Variants in TMEM176A observed in about 807,000 individuals in gnomAD.
TMEM176A encodes the protein transmembrane protein 176A, also known as hepatocellular carcinoma-associated antigen 112.
A neutral mutation model predicts 27.9 loss-of-function variants in TMEM176A; 20 were observed. That is an observed-to-expected ratio of 0.72 (90% CI 0.50 to 1.04). TMEM176A has a LOEUF of 1.04. Ranked by LOEUF, TMEM176A falls within the 50% of genes least tolerant of loss-of-function variation. The pLI is 0.00. For missense variants in TMEM176A, 252 were observed against 289.1 expected (o/e 0.87, Z 0.93); for synonymous variants, 125 against 118.0 (o/e 1.06, Z -0.38).
Position 150,802,196 on chromosome 7 carries a change from T to C in TMEM176A, c.175-19T>C, listed in dbSNP as rs758604703. 4 of 1,611,698 alleles carry C rather than the reference T, an allele frequency of 2.5e-6. No individual in the cohort carries two copies. The highest frequency in any genetic ancestry group is 8.5e-7 in the Non-Finnish European group (1 of 1,178,068). ...CAGGTCCACCTAGGAGCCGGGATCTTGGGTCCTTTGTCTTTCAGGTGATGC... is the reference window on the plus strand; with the variant it reads ...CAGGTCCACCTAGGAGCCGGGATCTCGGGTCCTTTGTCTTTCAGGTGATGC... On this transcript the variant is annotated intron_variant, in intron 2 of 6. Transcript: ENST00000004103.
In TMEM176A at chr7:150,801,667, G is replaced by T. The variant is rs749503130; in HGVS notation, c.117G>T (p.Ala39=). Reference sequence around the variant, plus strand: ...AGCTCCTGCTCACCTGCTGCTCTGCGCTGCGGCCCCGGGCCACCCAGGCCA... The same window carrying T: ...AGCTCCTGCTCACCTGCTGCTCTGCTCTGCGGCCCCGGGCCACCCAGGCCA... ...LAKLLLTCCS[A]LRPRATQARG... is the part of the protein sequence containing the mutation. The change falls in exon 2 of 7, where the codon GCG becomes GCT. Residue 39 remains alanine, a synonymous_variant. Coordinates refer to ENST00000004103, the MANE Select transcript of TMEM176A (RefSeq NM_018487.3). 7 of 1,610,628 alleles carry T rather than the reference G, an allele frequency of 4.3e-6. No homozygotes were observed. The highest frequency in any genetic ancestry group is 1.1e-5 in the South Asian group (1 of 90,814).
At position 150,802,284 on chromosome 7, in the gene TMEM176A, C is replaced by T. The variant is rs1798825682; in HGVS notation, c.244C>T (p.Leu82Phe). ...ATTTTTCTACATCCGCGACTACACC[C>T]TCCTCGTCACCTCGGGAGCTGCCAT... ...GGFFYIRDYT[L>F]LVTSGAAIWT... The change falls in exon 3 of 7, where the codon CTC (leucine) becomes TTC (phenylalanine). Residue 82 changes from leucine (L) to phenylalanine (F), a missense_variant. Coordinates refer to ENST00000004103, the MANE Select transcript of TMEM176A (RefSeq NM_018487.3). The T allele has an allele frequency of 1.9e-6, 3 of 1,614,114 alleles. No homozygotes were observed. The highest frequency in any genetic ancestry group is 2.5e-6 in the Non-Finnish European group (3 of 1,180,016).
intron 3 of TMEM176A, chr7:150,802,755 A>G: frequency 9.9e-7 from 1 of 1,007,224 alleles, no homozygotes; most frequent in African/African-American, 1.7e-5. Flanking sequence ...TTGTCAACAG[A>G]TGGGTGTGTG....
Position 150,803,605 on chromosome 7 carries a change from C to T in TMEM176A, c.343-15C>T. ...CTGAAACACAAAGATTTCTCTCTGC[C>T]TCCTCCCTCCCCAGGCCCTGCTGAG... On this transcript the variant is annotated splice_polypyrimidine_tract_variant and intron_variant, in intron 4 of 6. Coordinates refer to ENST00000004103, the MANE Select transcript of TMEM176A (RefSeq NM_018487.3). 1 of 1,612,906 alleles carries T rather than the reference C, an allele frequency of 6.2e-7. No individual in the cohort carries two copies. The highest frequency in any genetic ancestry group is 8.5e-7 in the Non-Finnish European group (1 of 1,179,376).
intron 4 of TMEM176A, 60 bp from the exon 5 acceptor site, chr7:150,803,560 C>T (rs1234867791): frequency 2.2e-5 from 35 of 1,594,682 alleles, no homozygotes; most frequent in Admixed American, 1.2e-4. Context: ...TTTTTTCCCC[C>T]GACTGGACTC....
At chr7:150,804,002 G>A (rs1169565731) in intron 5 of TMEM176A, among the ~76,000 whole-genome samples, 170 bp downstream of exon 5, 3 of 152,120 alleles carry the variant, frequency 2.0e-5, no homozygotes, top group Admixed American at 2.0e-4. Flanking sequence ...GCTCCTGTAG[G>A]GTGTTACAGA....
At position 150,801,616 on chromosome 7, in the gene TMEM176A, C is replaced by T. The variant is rs1393071863; in HGVS notation, c.66C>T (p.His22=). The T allele has an allele frequency of 6.2e-7, 1 of 1,613,516 alleles. No individual in the cohort carries two copies. The highest frequency in any genetic ancestry group is 1.3e-5 in the African/African-American group (1 of 74,934). ...CACAGCACACCCACATCGATGTGCA[C>T]ATCCACCAGGAGTCTGCCCTGGCCA... is the stretch of plus-strand genomic sequence containing the variant. ...EAPQHTHIDV[H]IHQESALAKL... The change falls in exon 2 of 7, where the codon CAC becomes CAT. Residue 22 remains histidine, a synonymous_variant. Coordinates refer to ENST00000004103, the MANE Select transcript of TMEM176A (RefSeq NM_018487.3).
At position 150,803,753 on chromosome 7, in the gene TMEM176A, G is replaced by A. The variant is rs1216909114; in HGVS notation, c.476G>A (p.Trp159Ter). Residue 159 changes from tryptophan (W) to a stop codon, truncating the protein, a stop_gained, in exon 5 of 7, where the codon TGG becomes TAG. Coordinates refer to ENST00000004103, the MANE Select transcript of TMEM176A (RefSeq NM_018487.3). LOFTEE classifies it high-confidence loss of function. ...SACRISSSSD[W>*]NTPAPTQSPE... ...TGCCGCATCTCCAGCTCGAGTGACT[G>A]GAACACTCCAGCCCCCACTCAGAGT... is the stretch of plus-strand genomic sequence containing the variant. 1.2e-6 allele frequency: 2 copies of A among 1,614,182 alleles called. No individual in the cohort carries two copies. The highest frequency in any genetic ancestry group is 2.2e-5 in the East Asian group (1 of 44,880).
intron 1 of TMEM176A, 192 bp downstream of exon 1, chr7:150,801,020 G>A (rs1214918302): frequency 4.1e-6 from 4 of 983,974 alleles, no homozygotes; most frequent in South Asian, 4.7e-5. Context: ...GTCCTTCACG[G>A]GGCAGGGGCG....
intron 1 of TMEM176A, 49 bp from the exon 2 acceptor site, chr7:150,801,487 G>A: frequency 6.5e-7 from 1 of 1,530,018 alleles, no homozygotes; most frequent in Non-Finnish European, 8.8e-7. Flanking sequence ...AATGAAATCT[G>A]CGAAAATCTT....
rs141054903 is a variant in TMEM176A, at chr7:150,803,642, C to A, written c.365C>A (p.Thr122Lys). The A allele has an allele frequency of 1.9e-6, 3 of 1,614,038 alleles. No individual in the cohort carries two copies. Among genetic ancestry groups the A allele is most frequent in the Non-Finnish European group, 2.5e-6 (3 of 1,180,036 alleles). ...TYWALLRTLL[T>K]LAAFSTAIAA... is the part of the protein sequence containing the mutation. ...CAGGCCCTGCTGAGGACTCTGCTAA[C>A]GCTGGCAGCTTTCTCCACAGCCATC... Residue 122 changes from threonine (T) to lysine (K), a missense_variant, in exon 5 of 7, where the codon ACG becomes AAG. Coordinates refer to ENST00000004103, the MANE Select transcript of TMEM176A (RefSeq NM_018487.3).
chr7:150,801,871 T>A, intron 2 of TMEM176A, 147 bp downstream of exon 2: 2 of 886,222 alleles, frequency 2.3e-6, no homozygotes, highest in Non-Finnish European at 3.3e-6. Context: ...GCCTTCTCAG[T>A]AAGAGCCTGG....
Position 150,804,848 on chromosome 7 carries a change from T to A in TMEM176A, c.688T>A (p.Leu230Met), listed in dbSNP as rs1209535736. The A allele has an allele frequency of 6.2e-7, 1 of 1,614,214 alleles. No homozygotes were observed. Among genetic ancestry groups the A allele is most frequent in the Admixed American group, 1.7e-5 (1 of 60,026 alleles). ...TKGKRDQKEM[L>M]EVSGI The stretch of plus-strand genomic sequence containing the variant: ...TTAGAAAAGAGACCAGAAGGAAATG[T>A]TGGAAGTGAGTGGAATCTAGCCATG... The change falls in exon 7 of 7, where the codon TTG (leucine) becomes ATG (methionine). Residue 230 changes from leucine (L) to methionine (M), a missense_variant. Coordinates refer to ENST00000004103, the MANE Select transcript of TMEM176A (RefSeq NM_018487.3).
In TMEM176A at chr7:150,800,989, C is replaced by T. The variant is rs867197163; in HGVS notation, c.-16+161C>T. On this transcript the variant is annotated intron_variant, in intron 1 of 6. Transcript: ENST00000004103. ...GCCAGGTGCGGCCCCGGCTTTTGAC[C>T]TACCTCCGCACCGCAGCGCGGTCCT... 2.6e-4 allele frequency: 255 copies of T among 985,838 alleles called. 1 individual carries two copies. The Middle Eastern group carries it at 4.2e-3, about 16-fold the overall frequency. The allele number at this position is 985,838 out of a possible 1,614,324, so 61.1% of individuals were successfully genotyped here.
chr7:150,803,184 A>G, intron 3 of TMEM176A: 7 of 1,285,232 alleles, frequency 5.4e-6, no homozygotes, highest in Non-Finnish European at 6.9e-6. Context: ...CTTGACCACA[A>G]GCTCTTAGGT....
intron 6 of TMEM176A, 39 bp from the exon 7 acceptor site, chr7:150,804,788 C>T (rs561683162): frequency 6.2e-7 from 1 of 1,611,922 alleles, no homozygotes; most frequent in South Asian, 1.1e-5. Flanking sequence ...CGCCCTTTCT[C>T]TCCCACTCAC....
chr7:150,802,187 C>A (rs1584758660), intron 2 of TMEM176A, 28 bp from the exon 3 acceptor site: 7 of 1,604,136 alleles, frequency 4.4e-6, no homozygotes, highest in Non-Finnish European at 6.0e-6. Context: ...CACCTAGGAG[C>A]CGGGATCTTG....
At position 150,804,856 on chromosome 7, in the gene TMEM176A, G is replaced by T. The variant is rs745475678; in HGVS notation, c.696G>T (p.Val232=). ...GAGACCAGAAGGAAATGTTGGAAGTGAGTGGAATCTAGCCATGCCTCTCCT... is the reference window on the plus strand; with the variant it reads ...GAGACCAGAAGGAAATGTTGGAAGTTAGTGGAATCTAGCCATGCCTCTCCT... ...GKRDQKEMLE[V]SGI is the part of the protein sequence containing the mutation. Residue 232 remains valine, a synonymous_variant, in exon 7 of 7, where the codon GTG becomes GTT. Transcript: ENST00000004103. The T allele has an allele frequency of 3.1e-6, 5 of 1,614,222 alleles. No homozygotes were observed. Among genetic ancestry groups the T allele is most frequent in the Non-Finnish European group, 4.2e-6 (5 of 1,180,038 alleles).
At chr7:150,804,237 C>T (rs1264065426) in intron 5 of TMEM176A, 125 bp from the exon 6 acceptor site, 4 of 728,068 alleles carry the variant, frequency 5.5e-6, no homozygotes, top group Non-Finnish European at 9.4e-6. Context: ...ATTGACTTCC[C>T]CTCCAGAAGC....
Sources: gnomAD v4.1 joint callset for allele counts (sites outside exome capture counted in the v4.1 genomes callset) on GRCh38, gnomAD v4.1.1 for gene constraint, MANE v1.5 for transcripts, NCBI Gene and HGNC (gene_info 2026-07-23, HGNC 2026-07-21) for gene names.